Variants in GSK3B observed in about 807,000 individuals in gnomAD.
The protein encoded by GSK3B is glycogen synthase kinase-3 beta.
Under a neutral mutation model 56.4 loss-of-function variants are expected in GSK3B, and 15 were observed. The ratio of observed to expected loss-of-function variants is 0.27; its 90% CI spans 0.18 to 0.41. GSK3B has a LOEUF of 0.41. GSK3B is among the 10% of genes least tolerant of loss of function. The pLI is 1.00. For synonymous variants in GSK3B, 181 were observed against 188.9 expected (o/e 0.96, Z 0.34); for missense variants, 300 against 513.4 (o/e 0.58, Z 4.02).
At chr3:120,090,344 A>C (rs2058500485) in intron 1 of GSK3B, among the ~76,000 whole-genome samples, 2 of 152,160 alleles carry the variant, frequency 1.3e-5, no homozygotes, top group Admixed American at 6.6e-5. Context: ...GAAACTGTGC[A>C]ATTAATAGAC....
At chr3:119,963,316 A>AT (rs908876641) in intron 2 of GSK3B, among the ~76,000 whole-genome samples, 11 of 152,274 alleles carry the variant, frequency 7.2e-5, no homozygotes, top group Admixed American at 1.3e-4. Context: ...TCCTAAAGAC[A>AT]TTTTTTACAT....
chr3:119,828,157 T>C (rs527779321), intron 10 of GSK3B, among the ~76,000 whole-genome samples: 28 of 152,192 alleles, frequency 1.8e-4, no homozygotes, highest in Non-Finnish European at 3.4e-4. Context: ...AATCTTGACG[T>C]AGAACTTACT....
chr3:119,904,864 CACAA>C (rs2056666384), intron 7 of GSK3B, among the ~76,000 whole-genome samples: 1 of 151,762 alleles, frequency 6.6e-6, no homozygotes, highest in African/African-American at 2.4e-5. Flanking sequence ...TTTGGGATAT[CACAA>C]ACAAAGCCCC....
chr3:119,868,650 C>T (rs2056212868), intron 8 of GSK3B, among the ~76,000 whole-genome samples: 2 of 152,204 alleles, frequency 1.3e-5, no homozygotes, highest in South Asian at 4.1e-4. Context: ...TTTTAAATGG[C>T]TGTTGGCAGT....
chr3:119,929,862 T>C (rs910698426), intron 3 of GSK3B, among the ~76,000 whole-genome samples: 3 of 150,554 alleles, frequency 2.0e-5, no homozygotes, highest in South Asian at 4.2e-4. Context: ...GATCACGCCA[T>C]TGCACCCCAG....
At chr3:120,037,331 A>G (rs1464580348) in intron 1 of GSK3B, among the ~76,000 whole-genome samples, 1 of 152,198 alleles carries the variant, frequency 6.6e-6, no homozygotes, top group East Asian at 1.9e-4. Flanking sequence ...CAATAATTTA[A>G]AAGTAATAGC....
chr3:119,873,781 A>T (rs2056275538), intron 8 of GSK3B, among the ~76,000 whole-genome samples: 1 of 152,202 alleles, frequency 6.6e-6, no homozygotes, highest in Non-Finnish European at 1.5e-5. Flanking sequence ...CAATCCCAGT[A>T]ACACCCACTC....
intron 2 of GSK3B, among the ~76,000 whole-genome samples, chr3:119,951,488 T>C (rs1327847235): frequency 6.6e-6 from 1 of 152,184 alleles, no homozygotes; most frequent in African/African-American, 2.4e-5. Context: ...GGAGAACTGC[T>C]TGAACCCAGG....
intron 1 of GSK3B, among the ~76,000 whole-genome samples, chr3:120,059,522 A>G (rs939723633): frequency 7.2e-5 from 11 of 152,204 alleles, no homozygotes; most frequent in African/African-American, 2.7e-4. Flanking sequence ...GCAATCCTAC[A>G]GCAAGTTTCA....
intron 1 of GSK3B, chr3:120,029,844 C>G: frequency 1.8e-6 from 1 of 551,298 alleles, no homozygotes; most frequent in Non-Finnish European, 3.7e-6. Context: ...TAATGGCCCC[C>G]AAAAAAGGAG....
At position 119,917,721 on chromosome 3, in the gene GSK3B, T is replaced by C. The variant is rs372213899; in HGVS notation, c.478-1547A>G. Among the ~76,000 whole-genome samples the C allele has an allele frequency of 2.6e-5, 4 of 152,116 alleles. No homozygotes were observed. In the East Asian group the frequency reaches 7.7e-4, roughly 29 times the overall value. ...AATGAGGTTAATTTTAAGATGTCTT[T>C]TTACTGTATTCTTTCATCTGAAAGA... On this transcript the variant is annotated intron_variant, in intron 4 of 10. Transcript: ENST00000264235.
chr3:119,907,929 GC>G (rs2056699202), intron 6 of GSK3B, among the ~76,000 whole-genome samples: 2 of 152,112 alleles, frequency 1.3e-5, no homozygotes, highest in Non-Finnish European at 1.5e-5. Flanking sequence ...TTCTAAGGAA[GC>G]CTTTTGTTCT....
chr3:119,838,210 A>T (rs948415768), intron 10 of GSK3B, among the ~76,000 whole-genome samples: 6 of 151,824 alleles, frequency 4.0e-5, no homozygotes, highest in African/African-American at 9.7e-5. Context: ...AATCACTTGA[A>T]CCCAGGAGTT....
intron 1 of GSK3B, among the ~76,000 whole-genome samples, chr3:120,028,127 A>G (rs1034805478): frequency 6.6e-6 from 1 of 152,224 alleles, no homozygotes; most frequent in African/African-American, 2.4e-5. Flanking sequence ...TCAGCACAGA[A>G]AAGAGTGACA....
At chr3:119,905,410 T>C (rs1361544844) in intron 7 of GSK3B, among the ~76,000 whole-genome samples, 1 of 152,110 alleles carries the variant, frequency 6.6e-6, no homozygotes. Flanking sequence ...GAGTATACAG[T>C]GAGCAAAAGC....
intron 3 of GSK3B, among the ~76,000 whole-genome samples, chr3:119,944,862 C>T (rs989578561): frequency 3.9e-5 from 6 of 152,208 alleles, no homozygotes; most frequent in African/African-American, 1.4e-4. Flanking sequence ...AGGACTGCCA[C>T]ATTCCAAGAT....
chr3:119,885,336 G>C (rs948821642), intron 7 of GSK3B, among the ~76,000 whole-genome samples: 2 of 151,662 alleles, frequency 1.3e-5, no homozygotes, highest in African/African-American at 4.9e-5. Flanking sequence ...ATCTCTACAG[G>C]GAGAACTACA....
At position 119,824,329 on chromosome 3, in the gene GSK3B, GCACACA is replaced by G. The variant is rs3835183; in HGVS notation, c.*2453_*2458del. On this transcript the variant is annotated 3_prime_UTR_variant, in exon 11 of 11. Transcript: ENST00000264235. ...TGAGAAAGAAAAATCACACATCTCAGCACACACACACACACACACACACGCACACAT... is the reference window on the plus strand; with the variant it reads ...TGAGAAAGAAAAATCACACATCTCAGCACACACACACACACACGCACACAT... The G allele has an allele frequency of 8.0e-3, 1,675 of 208,252 alleles. 3 individuals are homozygous for G. Among genetic ancestry groups the G allele is most frequent in the Non-Finnish European group, 0.012 (1,232 of 102,580 alleles). The allele number at this position is 208,252 out of a possible 1,614,324, so 12.9% of individuals were successfully genotyped here. A position where few individuals can be genotyped will look rare whatever the true frequency, so the allele number is the denominator to read the frequency against.
At chr3:119,933,609 G>A (rs980168412) in intron 3 of GSK3B, among the ~76,000 whole-genome samples, 3 of 152,176 alleles carry the variant, frequency 2.0e-5, no homozygotes, top group Non-Finnish European at 2.9e-5. Flanking sequence ...AAGCGCGGTG[G>A]CTCACGCCTG....
Sources: gnomAD v4.1 joint callset for allele counts (sites outside exome capture counted in the v4.1 genomes callset) on GRCh38, gnomAD v4.1.1 for gene constraint, MANE v1.5 for transcripts, NCBI Gene and HGNC (gene_info 2026-07-23, HGNC 2026-07-21) for gene names.